Variants in CELF6 observed in about 807,000 individuals in gnomAD.
CELF6 encodes Bruno -like 6, RNA binding protein.
Under a neutral mutation model 53.1 loss-of-function variants are expected in CELF6, and 32 were observed. The observed-to-expected ratio is 0.60, with a 90% CI of 0.46 to 0.81. The LOEUF is 0.81. CELF6 is among the 30% of genes least tolerant of loss of function. CELF6 has a pLI of 0.00. For synonymous variants in CELF6, 291 were observed against 288.8 expected (o/e 1.01, Z -0.08); for missense variants, 539 against 669.5 (o/e 0.81, Z 2.15).
At chr15:72,294,018 C>G (rs2088042405) in intron 3 of CELF6, among the ~76,000 whole-genome samples, 1 of 152,124 alleles carries the variant, frequency 6.6e-6, no homozygotes, top group Non-Finnish European at 1.5e-5. Context: ...GAGTCCAAAA[C>G]AAGTGGCTTA....
chr15:72,309,642 T>C (rs935898727), intron 2 of CELF6, among the ~76,000 whole-genome samples: 4 of 152,176 alleles, frequency 2.6e-5, no homozygotes, highest in South Asian at 2.1e-4. Context: ...AGGCATGTTA[T>C]GTGTGGCTGG....
At chr15:72,290,508 T>C (rs2087991303) in intron 3 of CELF6, among the ~76,000 whole-genome samples, 1 of 152,180 alleles carries the variant, frequency 6.6e-6, no homozygotes, top group South Asian at 2.1e-4. Context: ...TCAGGGCTGC[T>C]CTTGTGGGGA....
chr15:72,294,327 C>T (rs552737648), intron 3 of CELF6, among the ~76,000 whole-genome samples: 1 of 152,316 alleles, frequency 6.6e-6, no homozygotes, highest in South Asian at 2.1e-4. Flanking sequence ...GTCCAGCCTT[C>T]GGGTACCAAC....
At chr15:72,318,069 T>C (rs545921055) in intron 1 of CELF6, among the ~76,000 whole-genome samples, 1 of 152,282 alleles carries the variant, frequency 6.6e-6, no homozygotes, top group South Asian at 2.1e-4. Context: ...CCTACAAAGA[T>C]TAGCTTTGTA....
At chr15:72,295,406 A>T (rs1448097186) in intron 3 of CELF6, among the ~76,000 whole-genome samples, 1 of 151,892 alleles carries the variant, frequency 6.6e-6, no homozygotes, top group Admixed American at 6.6e-5. Flanking sequence ...TGAAAGACTC[A>T]TACACTGAAA....
At chr15:72,318,022 A>G (rs1210461218) in intron 1 of CELF6, among the ~76,000 whole-genome samples, 1 of 152,234 alleles carries the variant, frequency 6.6e-6, no homozygotes, top group African/African-American at 2.4e-5. Context: ...AGTGAGATTT[A>G]AGGGTATTCT....
intron 2 of CELF6, among the ~76,000 whole-genome samples, chr15:72,308,173 A>G (rs2088253634): frequency 6.6e-6 from 1 of 152,184 alleles, no homozygotes; most frequent in Non-Finnish European, 1.5e-5. Flanking sequence ...TGTGATGAAA[A>G]TGACAACTGC....
intron 3 of CELF6, among the ~76,000 whole-genome samples, chr15:72,303,711 C>A (rs954930382): frequency 6.6e-6 from 1 of 152,114 alleles, no homozygotes; most frequent in Admixed American, 6.6e-5. Flanking sequence ...GGCTGATACA[C>A]TGGAAGGATC....
chr15:72,319,180 C>T lies in CELF6; in HGVS notation c.262+433G>A, dbSNP rs2088397212. On this transcript the variant is annotated intron_variant, in intron 1 of 12. Coordinates refer to ENST00000287202, the MANE Select transcript of CELF6 (RefSeq NM_052840.5). The surrounding 1 kb of genome is among the most constrained non-coding windows in gnomAD (Gnocchi z 5.0). Reference sequence around the variant, plus strand: ...AGGAGGGGTGCAAGTCCAAGATATGCATGTGGGTGGTTAGGCCTGAGTGAG... The same window carrying T: ...AGGAGGGGTGCAAGTCCAAGATATGTATGTGGGTGGTTAGGCCTGAGTGAG... 6.6e-6 allele frequency among the ~76,000 whole-genome samples: 1 copy of T among 151,988 alleles called. No individual in the cohort carries two copies. The highest frequency in any genetic ancestry group is 2.1e-4 in the South Asian group (1 of 4,812).
chr15:72,314,589 GTT>G (rs984879836), intron 2 of CELF6, among the ~76,000 whole-genome samples: 14 of 97,826 alleles, frequency 1.4e-4, no homozygotes, highest in African/African-American at 2.9e-4. Context: ...AAAACCCAGT[GTT>G]TTTTTTTTTT....
intron 3 of CELF6, among the ~76,000 whole-genome samples, chr15:72,303,342 C>A (rs567943315): frequency 6.6e-6 from 1 of 152,202 alleles, no homozygotes; most frequent in Admixed American, 6.5e-5. Context: ...GAGGAGGAAA[C>A]TTGGAAATAT....
chr15:72,302,651 A>G (rs1239148172), intron 3 of CELF6, among the ~76,000 whole-genome samples: 1 of 152,190 alleles, frequency 6.6e-6, no homozygotes, highest in African/African-American at 2.4e-5. Context: ...CCAAACACTG[A>G]CAAGATGTAG....
rs764710468 is a variant in CELF6, at chr15:72,288,662, T to TCA, written c.1094-45_1094-44insTG. The TCA allele has an allele frequency of 4.6e-6, 7 of 1,532,114 alleles. No homozygotes were observed. The highest frequency in any genetic ancestry group is 5.3e-6 in the Non-Finnish European group (6 of 1,131,740). 94.9% of individuals were successfully genotyped at this position (1,532,114 alleles called of 1,614,324 possible). ...GTGGACAGTGATCCCCAGGAGCCCTTCCCCAAGCAGGGCCCCAACTGCCTG... is the reference window on the plus strand; with the variant it reads ...GTGGACAGTGATCCCCAGGAGCCCTTCACCCCAAGCAGGGCCCCAACTGCCTG... On this transcript the variant is annotated intron_variant, in intron 9 of 12. Transcript: ENST00000287202. This position sits in a 1 kb window ranked among gnomAD's most constrained non-coding sequence, Gnocchi z 4.6.
chr15:72,307,216 T>C (rs59262103), intron 2 of CELF6, among the ~76,000 whole-genome samples: 24,675 of 151,992 alleles, frequency 0.16, 5,787 homozygotes, highest in African/African-American at 0.52. Flanking sequence ...TCCTGGGAGA[T>C]GGTGCTCTGG....
chr15:72,310,149 C>T (rs1187707306), intron 2 of CELF6, among the ~76,000 whole-genome samples: 1 of 152,184 alleles, frequency 6.6e-6, no homozygotes, highest in Admixed American at 6.5e-5. Context: ...ATTCTTTTCA[C>T]TGAGCACTCA....
chr15:72,312,822 A>G (rs2088315242), intron 2 of CELF6, among the ~76,000 whole-genome samples: 1 of 152,212 alleles, frequency 6.6e-6, no homozygotes, highest in Non-Finnish European at 1.5e-5. Context: ...ATGGCAGCAG[A>G]GAGCTGGGCA....
chr15:72,301,495 C>T (rs186413760), intron 3 of CELF6, among the ~76,000 whole-genome samples: 1 of 152,146 alleles, frequency 6.6e-6, no homozygotes, highest in Admixed American at 6.5e-5. Flanking sequence ...GTACTCTTAT[C>T]GGATAAAGAA....
At chr15:72,311,654 A>G (rs1290081209) in intron 2 of CELF6, among the ~76,000 whole-genome samples, 2 of 152,136 alleles carry the variant, frequency 1.3e-5, no homozygotes, top group Admixed American at 6.5e-5. Flanking sequence ...CGCCCGCCTC[A>G]GCCTCCCAAA....
At chr15:72,312,350 G>A (rs2088307222) in intron 2 of CELF6, among the ~76,000 whole-genome samples, 1 of 152,208 alleles carries the variant, frequency 6.6e-6, no homozygotes, top group Non-Finnish European at 1.5e-5. Context: ...TTCTTGGCCA[G>A]GAGTGGTGGC....
Sources: gnomAD v4.1 joint callset for allele counts (sites outside exome capture counted in the v4.1 genomes callset) on GRCh38, gnomAD v4.1.1 for gene constraint, Gnocchi (gnomAD v3.1) non-coding constraint, MANE v1.5 for transcripts, NCBI Gene and HGNC (gene_info 2026-07-23, HGNC 2026-07-21) for gene names.